The following RIT2 variants were observed in gnomAD, a reference collection of about 807,000 sequenced individuals.
RIT2 encodes GTP-binding protein Rit2.
A neutral mutation model predicts 23.7 loss-of-function variants in RIT2; 24 were observed. The observed-to-expected ratio is 1.01, with a 90% CI of 0.73 to 1.43. RIT2 has a LOEUF of 1.43. Among genes scored for constraint, RIT2 ranks in the 40% most tolerant of loss-of-function variants. The probability of loss-of-function intolerance (pLI) is 0.00; values close to 1 mark genes in which losing one functional copy is unlikely to be tolerated. For missense variants in RIT2, 236 were observed against 266.9 expected, an observed-to-expected ratio of 0.88 and a Z score of 0.81; for synonymous variants, 107 against 91.1, an observed-to-expected ratio of 1.17 and a Z score of -0.99.
chr18:42,876,599 TAA>T (rs1907749666), intron 4 of RIT2, among the ~76,000 whole-genome samples: 1 of 151,912 alleles, frequency 6.6e-6, no homozygotes, highest in Non-Finnish European at 1.5e-5. Flanking sequence ...ACTGAAATTG[TAA>T]AGTTAGTAAA....
intron 3 of RIT2, among the ~76,000 whole-genome samples, chr18:42,952,835 A>C (rs1302264903): frequency 1.3e-5 from 2 of 152,024 alleles, no homozygotes; most frequent in Non-Finnish European, 2.9e-5. Flanking sequence ...GAGCTATCAG[A>C]GTTCCTATAT....
chr18:42,773,652 C>T (rs1422252446), intron 4 of RIT2, among the ~76,000 whole-genome samples: 1 of 152,038 alleles, frequency 6.6e-6, no homozygotes, highest in Non-Finnish European at 1.5e-5. Flanking sequence ...TACTGAAATG[C>T]ATAGTAATTA....
chr18:42,949,241 G>A (rs1909794187), intron 3 of RIT2, among the ~76,000 whole-genome samples: 1 of 152,058 alleles, frequency 6.6e-6, no homozygotes, highest in Non-Finnish European at 1.5e-5. Context: ...CTATTGATGT[G>A]AGGATGACGG....
chr18:42,807,075 T>C (rs569023887), intron 4 of RIT2, among the ~76,000 whole-genome samples: 2 of 152,372 alleles, frequency 1.3e-5, no homozygotes, highest in African/African-American at 4.8e-5. Context: ...CTTTCTTGTC[T>C]GGACTTCATT....
At chr18:42,876,604 T>C (rs1907749822) in intron 4 of RIT2, among the ~76,000 whole-genome samples, 1 of 151,888 alleles carries the variant, frequency 6.6e-6, no homozygotes, top group Non-Finnish European at 1.5e-5. Flanking sequence ...AATTGTAAAG[T>C]TAGTAAATAA....
At chr18:42,790,773 A>C (rs1356865427) in intron 4 of RIT2, among the ~76,000 whole-genome samples, 3 of 152,122 alleles carry the variant, frequency 2.0e-5, no homozygotes, top group Non-Finnish European at 4.4e-5. Context: ...AATTCTTTTT[A>C]TTTTGATAAC....
chr18:42,983,148 A>G (rs1272002171), intron 2 of RIT2, among the ~76,000 whole-genome samples: 2 of 152,154 alleles, frequency 1.3e-5, no homozygotes, highest in Non-Finnish European at 2.9e-5. Context: ...TGATGTGGGC[A>G]AGGGATACAG....
chr18:42,927,624 TC>T (rs1453595964), intron 3 of RIT2, among the ~76,000 whole-genome samples: 1 of 151,998 alleles, frequency 6.6e-6, no homozygotes, highest in Non-Finnish European at 1.5e-5. Context: ...CTTCATTTGC[TC>T]CCTGCTATAA....
chr18:43,061,619 C>T (rs1912647117), intron 1 of RIT2, among the ~76,000 whole-genome samples: 1 of 152,074 alleles, frequency 6.6e-6, no homozygotes, highest in Non-Finnish European at 1.5e-5. Flanking sequence ...TCGATTAGTT[C>T]CTTCTGAATG....
At chr18:42,745,845 C>T (rs755217387) in intron 4 of RIT2, among the ~76,000 whole-genome samples, 10 of 152,054 alleles carry the variant, frequency 6.6e-5, no homozygotes, top group South Asian at 2.1e-4. Context: ...AAGCTAATGA[C>T]TCATATTTTA....
intron 2 of RIT2, among the ~76,000 whole-genome samples, chr18:42,983,271 G>A (rs548037961): frequency 1.1e-4 from 17 of 152,120 alleles, no homozygotes; most frequent in South Asian, 6.2e-4. Flanking sequence ...AAAAATAAGC[G>A]TTTTTAACCA....
At chr18:42,863,712 A>G (rs1907392545) in intron 4 of RIT2, among the ~76,000 whole-genome samples, 1 of 152,174 alleles carries the variant, frequency 6.6e-6, no homozygotes, top group Non-Finnish European at 1.5e-5. Flanking sequence ...TCATGTCCTC[A>G]GCCCTGTTTC....
intron 4 of RIT2, among the ~76,000 whole-genome samples, chr18:42,902,940 A>G (rs560935606): frequency 1.5e-3 from 227 of 151,954 alleles, no homozygotes; most frequent in African/African-American, 5.3e-3. Context: ...AACAAAATGT[A>G]TTTATATATT....
At chr18:42,876,965 C>G (rs1695366922) in intron 4 of RIT2, among the ~76,000 whole-genome samples, 1 of 151,834 alleles carries the variant, frequency 6.6e-6, no homozygotes, top group African/African-American at 2.4e-5. Flanking sequence ...GTTTTAAACT[C>G]CATTTTCACT....
intron 4 of RIT2, among the ~76,000 whole-genome samples, chr18:42,923,151 T>C (rs1455474522): frequency 1.3e-5 from 2 of 152,052 alleles, no homozygotes; most frequent in Admixed American, 1.3e-4. Flanking sequence ...TGTAGTATCT[T>C]GGCAGGGACA....
chr18:42,987,602 A>T (rs1177001737), intron 2 of RIT2, among the ~76,000 whole-genome samples: 1 of 152,214 alleles, frequency 6.6e-6, no homozygotes, highest in Non-Finnish European at 1.5e-5. Context: ...AGGCATAAAT[A>T]AGAATATTTA....
chr18:42,804,382 C>G (rs557286509), intron 4 of RIT2, among the ~76,000 whole-genome samples: 1 of 151,474 alleles, frequency 6.6e-6, no homozygotes, highest in Admixed American at 6.6e-5. Context: ...GGTGAAACCC[C>G]GTCTCTACTA....
At chr18:42,796,651 A>C (rs967193565) in intron 4 of RIT2, among the ~76,000 whole-genome samples, 2 of 152,166 alleles carry the variant, frequency 1.3e-5, no homozygotes, top group Admixed American at 6.5e-5. Context: ...TCTTGGCTAT[A>C]TATTTCTACC....
intron 3 of RIT2, among the ~76,000 whole-genome samples, chr18:42,963,767 G>A (rs568563345): frequency 1.6e-3 from 243 of 151,906 alleles, no homozygotes; most frequent in African/African-American, 5.4e-3. Context: ...ATGGTGGCAG[G>A]CACCCATAAT....
Sources: allele counts gnomAD v4.1 joint callset (sites outside exome capture counted in the v4.1 genomes callset), GRCh38; gene constraint gnomAD v4.1.1; transcripts MANE v1.5; gene names NCBI Gene and HGNC (gene_info 2026-07-23, HGNC 2026-07-21).